IL1RAPL2: variants seen among roughly 807,000 people sequenced by gnomAD.
IL1RAPL2 encodes the protein interleukin 1 receptor accessory protein like 2, also known as X-linked interleukin-1 receptor accessory protein-like 2.
A neutral mutation model predicts 44.1 loss-of-function variants in IL1RAPL2; 3 were observed. The observed-to-expected ratio is 0.07, with a 90% confidence interval of 0.03 to 0.18. The LOEUF (loss-of-function observed/expected upper bound fraction) is 0.18. Among genes scored for constraint, IL1RAPL2 ranks in the 10% least tolerant of loss-of-function variants. The pLI, the probability that IL1RAPL2 is intolerant of heterozygous loss-of-function variation, is 1.00. For missense variants in IL1RAPL2, 391 were observed against 496.4 expected (o/e 0.79, Z 2.02); for synonymous variants, 181 against 178.8 (o/e 1.01, Z -0.10).
chrX:105,077,091 T>G (rs6616563), intron 2 of IL1RAPL2, among the ~76,000 whole-genome samples: 2,762 of 110,983 alleles, frequency 0.025, 102 homozygotes, highest in African/African-American at 0.086. Flanking sequence ...TCATTATGAT[T>G]TTAGCTGGTT....
chrX:105,673,001 C>G (rs928305458), intron 6 of IL1RAPL2, among the ~76,000 whole-genome samples: 1 of 111,012 alleles, frequency 9.0e-6, no homozygotes, highest in Admixed American at 9.6e-5. Flanking sequence ...TGTGTCATCC[C>G]TTGTGTCCTG....
At chrX:105,016,898 C>A (rs993365508) in intron 2 of IL1RAPL2, among the ~76,000 whole-genome samples, 1 of 111,335 alleles carries the variant, frequency 9.0e-6, no homozygotes, top group Admixed American at 9.6e-5. Flanking sequence ...GGTACCAGCT[C>A]CTATTTGTAC....
chrX:105,429,928 G>T (rs956564011), intron 5 of IL1RAPL2, among the ~76,000 whole-genome samples: 1 of 111,335 alleles, frequency 9.0e-6, no homozygotes, highest in Non-Finnish European at 1.9e-5. Context: ...CTGGTTTATA[G>T]TAGAGAGGAG....
intron 2 of IL1RAPL2, among the ~76,000 whole-genome samples, chrX:104,854,465 TACC>T (rs1189619180): frequency 8.9e-6 from 1 of 111,742 alleles, no homozygotes; most frequent in African/African-American, 3.3e-5. Flanking sequence ...CACAACATAA[TACC>T]ACACAGGCTA....
intron 2 of IL1RAPL2, among the ~76,000 whole-genome samples, chrX:105,010,474 A>T (rs1216972472): frequency 1.8e-5 from 2 of 111,671 alleles, no homozygotes; most frequent in Non-Finnish European, 3.8e-5. Context: ...TTTAATGTTT[A>T]TATATTAGAA....
intron 2 of IL1RAPL2, among the ~76,000 whole-genome samples, chrX:104,816,717 G>C (rs1476119924): frequency 9.0e-6 from 1 of 111,647 alleles, no homozygotes; most frequent in Non-Finnish European, 1.9e-5. Flanking sequence ...TTAAATTTGG[G>C]GGCTCTGGAA....
intron 2 of IL1RAPL2, among the ~76,000 whole-genome samples, chrX:104,927,881 C>A (rs753653735): frequency 3.6e-5 from 4 of 112,044 alleles, no homozygotes; most frequent in Non-Finnish European, 7.5e-5. Flanking sequence ...TGGTTACTTG[C>A]GCTCACCAGA....
chrX:105,348,185 C>A (rs150229243), intron 5 of IL1RAPL2, among the ~76,000 whole-genome samples: 1,470 of 111,750 alleles, frequency 0.013, 19 homozygotes, highest in African/African-American at 0.046. Context: ...TAACAACTTA[C>A]TGTTTTTTGC....
At chrX:104,969,509 A>AT (rs779446997) in intron 2 of IL1RAPL2, among the ~76,000 whole-genome samples, 66 of 112,038 alleles carry the variant, frequency 5.9e-4, no homozygotes, top group Admixed American at 2.0e-3. Context: ...ATATTAATTC[A>AT]TTTTACTATA....
intron 5 of IL1RAPL2, among the ~76,000 whole-genome samples, chrX:105,281,764 A>G (rs2034534795): frequency 9.0e-6 from 1 of 111,642 alleles, no homozygotes; most frequent in African/African-American, 3.3e-5. Flanking sequence ...TGATACTTAT[A>G]CCATGATGAA....
At chrX:104,761,167 A>G (rs768604727) in intron 2 of IL1RAPL2, among the ~76,000 whole-genome samples, 2 of 111,632 alleles carry the variant, frequency 1.8e-5, no homozygotes, top group East Asian at 5.7e-4. Flanking sequence ...TAGGTAATTT[A>G]TAAAAGAAAG....
At chrX:105,579,591 T>G (rs1285631343) in intron 6 of IL1RAPL2, among the ~76,000 whole-genome samples, 1 of 111,419 alleles carries the variant, frequency 9.0e-6, no homozygotes, top group Non-Finnish European at 1.9e-5. Context: ...GACTTTATTA[T>G]GAGACAGATA....
In IL1RAPL2 at chrX:105,437,025, G is replaced by GTATATA. The variant is rs71694806; in HGVS notation, c.698-47269_698-47264dup. Among the ~76,000 whole-genome samples, 801 of 91,047 alleles carry GTATATA rather than the reference G, an allele frequency of 8.8e-3. 16 individuals carry two copies. Among genetic ancestry groups the GTATATA allele is most frequent in the African/African-American group, 0.028 (718 of 25,833 alleles). 79.1% of individuals were successfully genotyped at this position (91,047 alleles called of 115,157 possible). A position where few individuals can be genotyped will look rare whatever the true frequency, so the allele number is the denominator to read the frequency against. ...CTAAACTCATTGTAAAAATATAAAC[G>GTATATA]TATATATATATATATATATATATAC... On this transcript the variant is annotated intron_variant, in intron 5 of 10. Transcript: ENST00000372582.
intron 2 of IL1RAPL2, among the ~76,000 whole-genome samples, chrX:105,036,081 G>A (rs905851016): frequency 2.7e-5 from 3 of 111,516 alleles, no homozygotes; most frequent in African/African-American, 9.8e-5. Flanking sequence ...TTGGTAATGA[G>A]ACAAAATCAA....
At chrX:104,605,452 A>G (rs1928986860) in intron 1 of IL1RAPL2, among the ~76,000 whole-genome samples, 1 of 111,807 alleles carries the variant, frequency 8.9e-6, no homozygotes, top group Non-Finnish European at 1.9e-5. Flanking sequence ...AGCAGAAGAC[A>G]AGAAATAACT....
At chrX:104,760,701 T>C (rs1253659277) in intron 2 of IL1RAPL2, among the ~76,000 whole-genome samples, 3 of 111,818 alleles carry the variant, frequency 2.7e-5, no homozygotes, top group African/African-American at 9.8e-5. Context: ...GTCAGATGGA[T>C]AGTTTGAAAA....
chrX:104,660,570 A>T (rs1052151814), intron 2 of IL1RAPL2, among the ~76,000 whole-genome samples: 5 of 85,725 alleles, frequency 5.8e-5, no homozygotes, highest in Admixed American at 4.3e-4. Flanking sequence ...ATTTATATAT[A>T]TAAAATATAT....
At chrX:104,649,099 C>T (rs766077679) in intron 1 of IL1RAPL2, among the ~76,000 whole-genome samples, 56 of 110,620 alleles carry the variant, frequency 5.1e-4, no homozygotes, top group African/African-American at 1.2e-3. Context: ...TTCTCCTCTA[C>T]GATTTTTTTC....
intron 2 of IL1RAPL2, among the ~76,000 whole-genome samples, chrX:104,925,673 A>C (rs756773119): frequency 8.9e-6 from 1 of 111,878 alleles, no homozygotes; most frequent in Non-Finnish European, 1.9e-5. Context: ...AAAACTCTCA[A>C]TAAACTAGGT....
Sources: allele counts gnomAD v4.1 joint callset (sites outside exome capture counted in the v4.1 genomes callset), GRCh38; gene constraint gnomAD v4.1.1; transcripts MANE v1.5; gene names NCBI Gene and HGNC (gene_info 2026-07-23, HGNC 2026-07-21).